Variants in OR56A3 observed in about 807,000 individuals in gnomAD.
The protein encoded by OR56A3 is olfactory receptor family 56 subfamily A member 3, also known as olfactory receptor 56A3.
In OR56A3, 23 loss-of-function variants were observed where a neutral mutation model predicts 17.5. The ratio of observed to expected loss-of-function variants is 1.32; its 90% CI spans 0.95 to 1.87. OR56A3 has a LOEUF of 1.87. OR56A3 is among the 40% of genes most tolerant of loss of function. OR56A3 has a pLI of 0.00. For synonymous variants in OR56A3, 175 were observed against 150.6 expected (o/e 1.16, Z -1.19); for missense variants, 366 against 380.1 (o/e 0.96, Z 0.31).
At chr11:5,976,749 A>G in the OR56A3 span, among the ~76,000 whole-genome samples, 1 of 151,966 alleles carries the variant, frequency 6.6e-6, no homozygotes, top group Non-Finnish European at 1.5e-5. Context: ...CATGGAGTAT[A>G]CATATGCAGG....
the OR56A3 span, among the ~76,000 whole-genome samples, chr11:5,965,575 A>C: frequency 6.6e-6 from 1 of 152,236 alleles, no homozygotes; most frequent in Non-Finnish European, 1.5e-5. Context: ...AATAAGAAAA[A>C]AATAAGAAGA....
chr11:5,981,803 T>C, the OR56A3 span, among the ~76,000 whole-genome samples: 2 of 152,212 alleles, frequency 1.3e-5, no homozygotes, highest in Admixed American at 6.5e-5. Flanking sequence ...GTTCCTCTAA[T>C]GTTTGGATTT....
chr11:5,972,213 A>C, the OR56A3 span, among the ~76,000 whole-genome samples: 1 of 152,318 alleles, frequency 6.6e-6, no homozygotes, highest in South Asian at 2.1e-4. Flanking sequence ...ACATGCATGA[A>C]GTTCTCAGCC....
downstream of OR56A3, among the ~76,000 whole-genome samples, chr11:5,953,974 G>A (rs959536023): frequency 2.0e-4 from 31 of 152,030 alleles, no homozygotes; most frequent in African/African-American, 7.5e-4. Flanking sequence ...GGGAAAAAAG[G>A]TGAATTAAAC....
the OR56A3 span, among the ~76,000 whole-genome samples, chr11:6,017,991 CA>C: frequency 2.0e-5 from 3 of 151,646 alleles, no homozygotes; most frequent in South Asian, 6.2e-4. Context: ...TATATGATGA[CA>C]AAGGGATCAA....
chr11:5,969,085 C>A, the OR56A3 span, among the ~76,000 whole-genome samples: 1 of 152,170 alleles, frequency 6.6e-6, no homozygotes, highest in Admixed American at 6.5e-5. Context: ...TATAGAGGAA[C>A]TCCCAAACTC....
At chr11:5,986,174 G>A in the OR56A3 span, 1 of 1,613,934 alleles carries the variant, frequency 6.2e-7, no homozygotes, top group Non-Finnish European at 8.5e-7. Context: ...AACGCCTTAA[G>A]TCGGGCCTCA....
rs1200534855 is a variant in OR56A3, at chr11:5,947,698, A to C, written c.352A>C (p.Thr118Pro). 6.2e-7 allele frequency: 1 copy of C among 1,614,128 alleles called. No homozygotes were observed. The highest frequency in any genetic ancestry group is 1.1e-5 in the South Asian group (1 of 91,074). ...TTGTTTCCTAGCCATGGAGTCTTGC[A>C]CATTCATGGTCATGGCCTATGATCG... The part of the protein sequence containing the change: ...MNCFLAMESC[T>P]FMVMAYDRYV... Residue 118 changes from threonine (T) to proline (P), a missense_variant, in exon 3 of 3, where the codon ACA becomes CCA. Physicochemically the swap from Thr to Pro is conservative, Grantham distance 38 (BLOSUM62 -1). Coordinates refer to ENST00000641160, the MANE Select transcript of OR56A3 (RefSeq NM_001003443.3).
At chr11:5,964,076 ATTTC>A in the OR56A3 span, among the ~76,000 whole-genome samples, 1 of 151,508 alleles carries the variant, frequency 6.6e-6, no homozygotes. Context: ...TATTCTTTCA[ATTTC>A]TTTGTAATAT....
the OR56A3 span, among the ~76,000 whole-genome samples, chr11:5,981,308 T>C: frequency 6.6e-6 from 1 of 152,244 alleles, no homozygotes; most frequent in Non-Finnish European, 1.5e-5. Context: ...CAATCAGTCA[T>C]AGGTTTGGTC....
At chr11:5,997,804 A>G in the OR56A3 span, among the ~76,000 whole-genome samples, 1 of 152,222 alleles carries the variant, frequency 6.6e-6, no homozygotes, top group Non-Finnish European at 1.5e-5. Flanking sequence ...TCATTTTATT[A>G]TAGCCAGTAT....
chr11:6,018,780 C>G, the OR56A3 span, among the ~76,000 whole-genome samples: 3 of 151,768 alleles, frequency 2.0e-5, no homozygotes, highest in African/African-American at 7.3e-5. Context: ...TGATAAACCT[C>G]TAGCTAGACT....
chr11:5,997,393 T>C, the OR56A3 span, among the ~76,000 whole-genome samples: 1 of 152,192 alleles, frequency 6.6e-6, no homozygotes, highest in South Asian at 2.1e-4. Context: ...TGTACTGTAA[T>C]TGCTATTTGT....
At chr11:5,966,158 C>T in the OR56A3 span, among the ~76,000 whole-genome samples, 3 of 149,636 alleles carry the variant, frequency 2.0e-5, no homozygotes, top group African/African-American at 4.9e-5. Context: ...ATCGCTTGAG[C>T]CCAGGAGTTC....
At position 5,948,347 on chromosome 11, in the gene OR56A3, TAATG is replaced by T; in HGVS notation, c.*55_*58del. ...AAAATAAGATAATTTATTAATCACT[TAATG>T]AGTGAGTGGGCTGAAATTCATATCT... On this transcript the variant is annotated 3_prime_UTR_variant, in exon 3 of 3. Coordinates refer to ENST00000641160, the MANE Select transcript of OR56A3 (RefSeq NM_001003443.3). 1.6e-6 allele frequency: 2 copies of T among 1,259,318 alleles called. No homozygotes were observed. Among genetic ancestry groups the T allele is most frequent in the Non-Finnish European group, 1.1e-6 (1 of 886,116 alleles). The allele number at this position is 1,259,318 out of a possible 1,614,324, so 78.0% of individuals were successfully genotyped here.
the OR56A3 span, chr11:5,968,591 A>G: frequency 1.1e-6 from 1 of 941,204 alleles, no homozygotes. Flanking sequence ...ATATTTGCTA[A>G]CATTTTCTAA....
chr11:6,014,602 T>C, the OR56A3 span, among the ~76,000 whole-genome samples: 4 of 152,140 alleles, frequency 2.6e-5, no homozygotes, highest in African/African-American at 7.2e-5. Context: ...GTGAGGCATT[T>C]TGATAAAGAT....
chr11:5,986,650 G>A, the OR56A3 span: 2 of 1,613,946 alleles, frequency 1.2e-6, no homozygotes. Flanking sequence ...GGGTGCAGTG[G>A]AGGAGGCCAG....
In OR56A3 at chr11:5,947,419, C is replaced by A. The variant is rs1847876589; in HGVS notation, c.73C>A (p.Pro25Thr). The part of the protein sequence containing the change: ...DFLLNCFVRS[P>T]SWQHWLSLPL... ...CCTCTTGAATTGTTTTGTCAGATCC[C>A]CCAGCTGGCAGCACTGGCTGTCCCT... The change falls in exon 3 of 3, where the codon CCC becomes ACC. Residue 25 changes from proline (P) to threonine (T), a missense_variant. Pro to Thr is a conservative substitution (Grantham distance 38, BLOSUM62 -1). Coordinates refer to ENST00000641160, the MANE Select transcript of OR56A3 (RefSeq NM_001003443.3). 1 of 1,614,156 alleles carries A rather than the reference C, an allele frequency of 6.2e-7. No individual in the cohort carries two copies. Among genetic ancestry groups the A allele is most frequent in the African/African-American group, 1.3e-5 (1 of 75,044 alleles).
Sources: gnomAD v4.1 joint callset for allele counts (sites outside exome capture counted in the v4.1 genomes callset) on GRCh38, gnomAD v4.1.1 for gene constraint, MANE v1.5 for transcripts, NCBI Gene and HGNC (gene_info 2026-07-23, HGNC 2026-07-21) for gene names.